The following SLC24A3 variants were observed in gnomAD, a reference collection of about 807,000 sequenced individuals.
SLC24A3 encodes the protein sodium/potassium/calcium exchanger 3.
SLC24A3 carries 28 observed loss-of-function variants against 75.8 expected under a neutral mutation model. The ratio of observed to expected loss-of-function variants is 0.37; its 90% CI spans 0.27 to 0.51. The LOEUF (loss-of-function observed/expected upper bound fraction) is 0.51. SLC24A3 is among the 20% of genes least tolerant of loss of function. SLC24A3 has a pLI of 0.94. For synonymous variants in SLC24A3, 372 were observed against 334.1 expected, an observed-to-expected ratio of 1.11 and a Z score of -1.24; for missense variants, 663 against 847.8, an observed-to-expected ratio of 0.78 and a Z score of 2.71.
At chr20:19,329,081 T>C (rs1984935469) in intron 2 of SLC24A3, among the ~76,000 whole-genome samples, 1 of 152,044 alleles carries the variant, frequency 6.6e-6, no homozygotes, top group African/African-American at 2.4e-5. Flanking sequence ...AGAGTTGTGG[T>C]GCTGGTAGGA....
chr20:19,484,602 CTA>C (rs1200546034), intron 2 of SLC24A3, among the ~76,000 whole-genome samples: 1 of 152,142 alleles, frequency 6.6e-6, no homozygotes, highest in Non-Finnish European at 1.5e-5. Context: ...AAGGCAAATG[CTA>C]TATGAGTCCA....
chr20:19,247,184 T>C (rs990423710), intron 1 of SLC24A3, among the ~76,000 whole-genome samples: 2 of 152,156 alleles, frequency 1.3e-5, no homozygotes, highest in Non-Finnish European at 2.9e-5. Context: ...ACATAGCGTT[T>C]AGAAAGCAGG....
intron 1 of SLC24A3, among the ~76,000 whole-genome samples, chr20:19,220,119 G>C (rs890177842): frequency 1.3e-5 from 2 of 152,170 alleles, no homozygotes; most frequent in Admixed American, 1.3e-4. Context: ...TTGCTTAGGT[G>C]GGAGCTCCAG....
At chr20:19,427,512 T>G (rs1987030351) in intron 2 of SLC24A3, among the ~76,000 whole-genome samples, 1 of 152,234 alleles carries the variant, frequency 6.6e-6, no homozygotes, top group Non-Finnish European at 1.5e-5. Context: ...AAATACCATT[T>G]GCGCTTTAGT....
chr20:19,600,096 C>T (rs1009282178), intron 6 of SLC24A3, among the ~76,000 whole-genome samples: 2 of 152,154 alleles, frequency 1.3e-5, no homozygotes, highest in African/African-American at 2.4e-5. Flanking sequence ...GGCCTCAGTG[C>T]TCTTGGTACA....
intron 16 of SLC24A3, among the ~76,000 whole-genome samples, chr20:19,719,093 G>A (rs1437672813): frequency 6.6e-6 from 1 of 152,134 alleles, no homozygotes; most frequent in African/African-American, 2.4e-5. Flanking sequence ...CCAGGTGGAG[G>A]GAGCTATTGG....
At chr20:19,238,031 A>G (rs1435972736) in intron 1 of SLC24A3, among the ~76,000 whole-genome samples, 2 of 152,220 alleles carry the variant, frequency 1.3e-5, no homozygotes, top group Non-Finnish European at 2.9e-5. Flanking sequence ...AACTTTTTTT[A>G]AAGTTCAATA....
chr20:19,639,874 G>T (rs1022488292), intron 6 of SLC24A3, among the ~76,000 whole-genome samples: 1 of 152,280 alleles, frequency 6.6e-6, no homozygotes, highest in African/African-American at 2.4e-5. Context: ...GCTGGCCCAG[G>T]TGCTAAGCCC....
rs149790910 is a variant in SLC24A3 at position 19,457,893 on chromosome 20, A to C, written c.272-57595A>C. On this transcript the variant is annotated intron_variant, in intron 2 of 16. Transcript: ENST00000328041. ...GTAATCGAGAGTGGCAGCTCCAGCT[A>C]TGAGGTTCAGAGGTGGCAAAGCCTT... 6.4e-4 allele frequency among the ~76,000 whole-genome samples: 97 copies of C among 152,270 alleles called. 1 individual carries two copies. The East Asian group carries it at 0.014, about 22-fold the overall frequency.
chr20:19,631,780 GTA>G (rs2031936413), intron 6 of SLC24A3, among the ~76,000 whole-genome samples: 2 of 141,088 alleles, frequency 1.4e-5, no homozygotes, highest in African/African-American at 5.2e-5. Context: ...GTATCTGTGT[GTA>G]TGAGTGAGAG....
chr20:19,459,851 C>T (rs942948233), intron 2 of SLC24A3, among the ~76,000 whole-genome samples: 1 of 152,132 alleles, frequency 6.6e-6, no homozygotes, highest in African/African-American at 2.4e-5. Flanking sequence ...AAATGGCAGA[C>T]GAGCCTGGGG....
chr20:19,414,522 A>G (rs1986796253), intron 2 of SLC24A3, among the ~76,000 whole-genome samples: 1 of 152,226 alleles, frequency 6.6e-6, no homozygotes, highest in Admixed American at 6.5e-5. Flanking sequence ...CTTTTAAGAT[A>G]TAACATTAGT....
chr20:19,262,594 A>G (rs1358463374), intron 1 of SLC24A3, among the ~76,000 whole-genome samples: 1 of 152,028 alleles, frequency 6.6e-6, no homozygotes, highest in Non-Finnish European at 1.5e-5. Flanking sequence ...GATTCCCCCA[A>G]TTGTGCTACA....
intron 1 of SLC24A3, among the ~76,000 whole-genome samples, chr20:19,275,807 T>C (rs1983468395): frequency 1.3e-5 from 2 of 152,180 alleles, no homozygotes; most frequent in African/African-American, 2.4e-5. Context: ...CATCCCGTGC[T>C]ATCCCCATGG....
chr20:19,594,373 C>T (rs78231778), intron 6 of SLC24A3, among the ~76,000 whole-genome samples: 7,781 of 152,294 alleles, frequency 0.051, 282 homozygotes, highest in Non-Finnish European at 0.064. Context: ...AGGCCTGAGA[C>T]CTCCTAGAAT....
In SLC24A3 at chr20:19,285,502, A is replaced by AAT. The variant is rs1555785961; in HGVS notation, c.271+4415_271+4416insAT. 9.8e-3 allele frequency among the ~76,000 whole-genome samples: 1,433 copies of AAT among 145,666 alleles called. 30 individuals are homozygous for AAT. The highest frequency in any genetic ancestry group is 0.036 in the African/African-American group (1,375 of 38,674). The stretch of plus-strand genomic sequence containing the variant: ...CAAAAAAAAAAAAAAAAAAAAAAAA[A>AAT]GGCATTTTTCCTTTGCCCCTTGAAG... On this transcript the variant is annotated intron_variant, in intron 2 of 16. Coordinates refer to ENST00000328041, the MANE Select transcript of SLC24A3 (RefSeq NM_020689.4).
chr20:19,213,340 A>C (rs1981460782), intron 1 of SLC24A3: 1 of 160,598 alleles, frequency 6.2e-6, no homozygotes, highest in Admixed American at 6.5e-5. Context: ...TTGTGGTGGT[A>C]GACCCGGCAC....
chr20:19,304,636 G>C (rs1015174755), intron 2 of SLC24A3, among the ~76,000 whole-genome samples: 2 of 152,146 alleles, frequency 1.3e-5, no homozygotes, highest in African/African-American at 4.8e-5. Context: ...ATTGTTAGCT[G>C]TGGTTAGGTT....
chr20:19,444,625 T>C (rs1384446979), intron 2 of SLC24A3, among the ~76,000 whole-genome samples: 5 of 152,266 alleles, frequency 3.3e-5, no homozygotes, highest in African/African-American at 1.2e-4. Context: ...GTCATAATAG[T>C]CCTTTATTAA....
Sources: gnomAD v4.1 joint callset for allele counts (sites outside exome capture counted in the v4.1 genomes callset) on GRCh38, gnomAD v4.1.1 for gene constraint, MANE v1.5 for transcripts, NCBI Gene and HGNC (gene_info 2026-07-23, HGNC 2026-07-21) for gene names.